LAMA2: variants seen among roughly 807,000 people sequenced by gnomAD.
LAMA2 encodes laminin subunit alpha 2, also known as laminin subunit alpha-2.
In LAMA2, 269 loss-of-function variants were observed where a neutral mutation model predicts 364.8. The observed-to-expected ratio is 0.74, with a 90% CI of 0.67 to 0.82. The LOEUF is 0.82. Among genes scored for constraint, LAMA2 ranks in the 40% least tolerant of loss-of-function variants. LAMA2 has a pLI of 0.00. For missense variants in LAMA2, 3,807 were observed against 3,873.2 expected (o/e 0.98, Z 0.45); for synonymous variants, 1,379 against 1,370.6 (o/e 1.01, Z -0.14).
intron 1 of LAMA2, among the ~76,000 whole-genome samples, chr6:129,040,103 A>C (rs6569576): frequency 0.33 from 50,877 of 152,040 alleles, 9,897 homozygotes; most frequent in African/African-American, 0.54. Flanking sequence ...GGGGAAAAGT[A>C]AGGCATATTT....
At chr6:129,176,496 TTAAGA>T (rs1378079750) in intron 9 of LAMA2, among the ~76,000 whole-genome samples, 40 of 152,228 alleles carry the variant, frequency 2.6e-4, no homozygotes, top group Admixed American at 1.2e-3. Context: ...CTGTAAATAC[TTAAGA>T]TGAGTAAGTT....
At chr6:129,018,367 A>C (rs1282836280) in intron 1 of LAMA2, among the ~76,000 whole-genome samples, 4 of 152,000 alleles carry the variant, frequency 2.6e-5, no homozygotes. Context: ...GAAAAGAATC[A>C]GAAATGTTAA....
intron 40 of LAMA2, among the ~76,000 whole-genome samples, chr6:129,404,921 T>G (rs1451735969): frequency 6.6e-6 from 1 of 152,104 alleles, no homozygotes; most frequent in Non-Finnish European, 1.5e-5. Context: ...GTGATCATAA[T>G]GAAACATCAT....
At chr6:129,076,494 TATATAAATATA>T (rs1562216720) in intron 3 of LAMA2, among the ~76,000 whole-genome samples, 20 of 12,068 alleles carry the variant, frequency 1.7e-3, no homozygotes, top group African/African-American at 2.7e-3. Flanking sequence ...TTATATATTA[TATATAAATATA>T]TATATATAAT....
In LAMA2 at chr6:129,503,101, G is replaced by A. The variant is rs1785777891; in HGVS notation, c.8368G>A (p.Glu2790Lys). The part of the protein sequence containing the change: ...DTKVKNRLTI[E>K]LEVRTEAESG... ...GCTTTTGTTTCACAGTCTCACAATT[G>A]AGTTGGAAGTAAGAACCGAAGCTGA... is the stretch of plus-strand genomic sequence containing the variant. The change falls in exon 60 of 65, where the codon GAG becomes AAG. Residue 2790 changes from glutamate to lysine, a missense_variant. Physicochemically the swap from Glu to Lys is moderately conservative, Grantham distance 56. Around this residue, in one of 3 missense-constraint regions of LAMA2, gnomAD observed 3,333 missense variants for 3,345.7 expected, o/e 1.00. Coordinates refer to ENST00000421865, the MANE Select transcript of LAMA2 (RefSeq NM_000426.4). The A allele has an allele frequency of 6.2e-7, 1 of 1,614,018 alleles. No individual in the cohort carries two copies. Among genetic ancestry groups the A allele is most frequent in the African/African-American group, 1.3e-5 (1 of 75,022 alleles).
At chr6:129,460,637 G>GT (rs1225261902) in intron 49 of LAMA2, among the ~76,000 whole-genome samples, 2 of 151,892 alleles carry the variant, frequency 1.3e-5, no homozygotes, top group African/African-American at 4.8e-5. Flanking sequence ...ATGTCGAGGG[G>GT]TTTTTTTGTG....
intron 1 of LAMA2, among the ~76,000 whole-genome samples, chr6:128,997,852 G>T (rs895205847): frequency 2.0e-5 from 3 of 152,176 alleles, no homozygotes; most frequent in African/African-American, 7.2e-5. Flanking sequence ...TTTCCAGTGT[G>T]TGTTGTATAA....
chr6:129,300,855 A>G lies in LAMA2; in HGVS notation c.3157A>G (p.Ile1053Val). The G allele has an allele frequency of 6.2e-7, 1 of 1,613,824 alleles. No homozygotes were observed. Among genetic ancestry groups the G allele is most frequent in the Non-Finnish European group, 8.5e-7 (1 of 1,179,736 alleles). ...TGCACCCAATACCTGGGGCCACAGCATTACCACTGGTTGTAAGGTGAGTGA... is the reference window on the plus strand; with the variant it reads ...TGCACCCAATACCTGGGGCCACAGCGTTACCACTGGTTGTAAGGTGAGTGA... ...KCAPNTWGHSITTGCKACNCS... is the reference protein window; with the variant it reads ...KCAPNTWGHSVTTGCKACNCS... The change falls in exon 22 of 65, where the codon ATT becomes GTT. Residue 1053 changes from isoleucine (I) to valine (V), a missense_variant. Ile to Val is a conservative substitution (Grantham distance 29). Coordinates refer to ENST00000421865, the MANE Select transcript of LAMA2 (RefSeq NM_000426.4).
At chr6:129,245,495 A>G (rs1186353191) in intron 12 of LAMA2, among the ~76,000 whole-genome samples, 3 of 152,212 alleles carry the variant, frequency 2.0e-5, no homozygotes, top group Non-Finnish European at 4.4e-5. Flanking sequence ...AGTCTCAAAG[A>G]TGTTCAATTT....
intron 8 of LAMA2, among the ~76,000 whole-genome samples, chr6:129,162,892 A>AG (rs34993873): frequency 2.2e-4 from 33 of 148,720 alleles, no homozygotes; most frequent in South Asian, 1.3e-3. Flanking sequence ...GAGAACTAGG[A>AG]GGGGGGGGAA....
intron 1 of LAMA2, among the ~76,000 whole-genome samples, chr6:128,908,789 C>T (rs1313961752): frequency 6.7e-6 from 1 of 149,716 alleles, no homozygotes; most frequent in Non-Finnish European, 1.5e-5. Context: ...ATAAATTTCC[C>T]TCTACACACT....
At chr6:129,207,303 C>A (rs1209559124) in intron 12 of LAMA2, among the ~76,000 whole-genome samples, 2 of 148,908 alleles carry the variant, frequency 1.3e-5, no homozygotes, top group Non-Finnish European at 3.0e-5. Context: ...TTTTTTTTTT[C>A]TTCACTTTTT....
intron 1 of LAMA2, among the ~76,000 whole-genome samples, chr6:128,982,830 C>A (rs1421715775): frequency 1.5e-5 from 2 of 137,446 alleles, no homozygotes; most frequent in Non-Finnish European, 3.0e-5. Flanking sequence ...TCTCATTGTT[C>A]AATTCCCACC....
At chr6:129,009,287 T>C (rs1000079728) in intron 1 of LAMA2, among the ~76,000 whole-genome samples, 1 of 152,212 alleles carries the variant, frequency 6.6e-6, no homozygotes, top group Non-Finnish European at 1.5e-5. Flanking sequence ...ATTAGGAATT[T>C]TCTTTTTCTT....
chr6:129,283,761 A>G (rs1788899799), intron 18 of LAMA2, among the ~76,000 whole-genome samples: 2 of 151,758 alleles, frequency 1.3e-5, no homozygotes, highest in African/African-American at 4.8e-5. Context: ...CTGAATTCGA[A>G]TCAAGTCTAA....
At chr6:128,937,288 A>G (rs1200417836) in intron 1 of LAMA2, among the ~76,000 whole-genome samples, 2 of 151,952 alleles carry the variant, frequency 1.3e-5, no homozygotes, top group African/African-American at 4.8e-5. Context: ...GAGGATTTTT[A>G]TATCTGTGTT....
Position 129,429,303 on chromosome 6 carries a change from G to A in LAMA2, c.5968+1449G>A, listed in dbSNP as rs1367127991. On this transcript the variant is annotated intron_variant, in intron 41 of 64. Coordinates refer to ENST00000421865, the MANE Select transcript of LAMA2 (RefSeq NM_000426.4). ...ATGCATAACAGATGTATAAATTTTTGGCATTCCATCTTCTTGAGGAAAGAC... is the reference window on the plus strand; with the variant it reads ...ATGCATAACAGATGTATAAATTTTTAGCATTCCATCTTCTTGAGGAAAGAC... Among the ~76,000 whole-genome samples the A allele has an allele frequency of 3.9e-5, 6 of 151,960 alleles. No individual in the cohort carries two copies. The South Asian group carries it at 1.3e-3, about 32-fold the overall frequency.
intron 1 of LAMA2, among the ~76,000 whole-genome samples, chr6:128,906,633 A>C (rs78768652): frequency 0.14 from 21,031 of 151,628 alleles, 1,989 homozygotes; most frequent in African/African-American, 0.27. Flanking sequence ...GAAGCTCTTT[A>C]GTTTAATTAG....
At chr6:129,392,223 G>C (rs911534159) in intron 36 of LAMA2, among the ~76,000 whole-genome samples, 1 of 152,174 alleles carries the variant, frequency 6.6e-6, no homozygotes, top group Non-Finnish European at 1.5e-5. Flanking sequence ...GAACTTTTAT[G>C]ATAACGCACT....
Sources: gnomAD v4.1 joint callset for allele counts (sites outside exome capture counted in the v4.1 genomes callset) on GRCh38, gnomAD v4.1.1 for gene constraint, gnomAD v4.1.1 regional missense constraint, MANE v1.5 for transcripts, NCBI Gene and HGNC (gene_info 2026-07-23, HGNC 2026-07-21) for gene names.